Variants in C4orf51 observed in about 807,000 individuals in gnomAD.
The protein encoded by C4orf51 is uncharacterized protein C4orf51.
A neutral mutation model predicts 25.2 loss-of-function variants in C4orf51; 25 were observed. The observed-to-expected ratio is 0.99, with a 90% CI of 0.72 to 1.39. The LOEUF (loss-of-function observed/expected upper bound fraction) is 1.39. Ranked by LOEUF, C4orf51 falls within the 40% of genes most tolerant of loss-of-function variation. The probability of loss-of-function intolerance (pLI) is 0.00; values close to 1 mark genes in which losing one functional copy is unlikely to be tolerated. For missense variants in C4orf51, 252 were observed against 239.6 expected (o/e 1.05, Z -0.34); for synonymous variants, 100 against 84.5 (o/e 1.18, Z -1.01).
downstream of C4orf51, among the ~76,000 whole-genome samples, chr4:145,772,198 T>C (rs1210517297): frequency 1.3e-5 from 2 of 152,204 alleles, no homozygotes; most frequent in East Asian, 1.9e-4. Flanking sequence ...CACAAATATA[T>C]TCATTCACTG....
intron 2 of C4orf51, among the ~76,000 whole-genome samples, chr4:145,717,042 C>T (rs766697711): frequency 1.5e-4 from 23 of 152,178 alleles, no homozygotes; most frequent in Non-Finnish European, 2.9e-4. Context: ...GTTAAGGTGA[C>T]AGCACATCTG....
intron 1 of C4orf51, among the ~76,000 whole-genome samples, chr4:145,738,104 A>G (rs1284283534): frequency 6.6e-6 from 1 of 152,164 alleles, no homozygotes; most frequent in Non-Finnish European, 1.5e-5. Flanking sequence ...CACATCCTTG[A>G]TAGAGAAAAA....
At chr4:145,708,739 T>G (rs920887142) in intron 2 of C4orf51, among the ~76,000 whole-genome samples, 1 of 152,252 alleles carries the variant, frequency 6.6e-6, no homozygotes, top group Non-Finnish European at 1.5e-5. Context: ...GACCAAGCTT[T>G]GTCTCTGTGC....
In C4orf51 at chr4:145,743,521, C is replaced by T. The variant is rs552272510; in HGVS notation, n.168-10686C>T. On this transcript the variant is annotated intron_variant and non_coding_transcript_variant, in intron 1 of 1. Transcript: ENST00000508981. ...GGGCAAAGACCACATGAGCTAATCA[C>T]CTCTTCAAGGTACTGTCTCTCAACA... Among the ~76,000 whole-genome samples the T allele has an allele frequency of 6.6e-5, 10 of 152,304 alleles. No individual in the cohort carries two copies. The South Asian group carries it at 2.1e-3, about 32-fold the overall frequency.
chr4:145,692,832 C>G (rs970758345), intron 1 of C4orf51, among the ~76,000 whole-genome samples: 1 of 152,068 alleles, frequency 6.6e-6, no homozygotes, highest in African/African-American at 2.4e-5. Flanking sequence ...ACTTCCCACC[C>G]AGTCCCTGCT....
chr4:145,701,483 ACCTGGC>A lies in C4orf51; in HGVS notation c.307+4852_307+4857del, dbSNP rs376978356. ...CACTGGAAATTGGACTGTTCAACTC[ACCTGGC>A]AGCCACTCCCAGAGCCCCTGGAACT... On this transcript the variant is annotated intron_variant, in intron 2 of 5. Coordinates refer to ENST00000438731, the MANE Select transcript of C4orf51 (RefSeq NM_001080531.3). Among the ~76,000 whole-genome samples the A allele has an allele frequency of 8.4e-3, 1,280 of 151,604 alleles. 16 individuals carry two copies. Among genetic ancestry groups the A allele is most frequent in the African/African-American group, 0.028 (1,176 of 41,296 alleles).
At chr4:145,733,413 G>T (rs1732618563), downstream of C4orf51, among the ~76,000 whole-genome samples, 1 of 152,192 alleles carries the variant, frequency 6.6e-6, no homozygotes, top group Non-Finnish European at 1.5e-5. Context: ...CCTGGGGCGC[G>T]GGAAGGAGCC....
At chr4:145,732,959 G>A (rs1177678012), downstream of C4orf51, among the ~76,000 whole-genome samples, 1 of 152,192 alleles carries the variant, frequency 6.6e-6, no homozygotes, top group Non-Finnish European at 1.5e-5. Context: ...TCACCCAGCA[G>A]AGCCGGAGCC....
At chr4:145,749,589 T>G (rs1237842353) in intron 1 of C4orf51, among the ~76,000 whole-genome samples, 2 of 152,142 alleles carry the variant, frequency 1.3e-5, no homozygotes, top group Non-Finnish European at 2.9e-5. Context: ...TGTTTTTTGG[T>G]TTGAAGTTAC....
intron 1 of C4orf51, 52 bp from the exon 2 acceptor site, chr4:145,696,507 G>A (rs1730066842): frequency 6.4e-6 from 9 of 1,410,012 alleles, no homozygotes; most frequent in Non-Finnish European, 9.0e-6. Context: ...GGCTTCATGT[G>A]ATTTATAAAT....
At chr4:145,759,100 T>G (rs937508385), downstream of C4orf51, 10 of 152,190 alleles carry the variant, frequency 6.6e-5, no homozygotes, top group African/African-American at 2.4e-4. Flanking sequence ...AGCAACACAG[T>G]AAGAAAATGT....
At chr4:145,757,348 TG>T (rs1202439900), downstream of C4orf51, among the ~76,000 whole-genome samples, 1 of 152,192 alleles carries the variant, frequency 6.6e-6, no homozygotes, top group Non-Finnish European at 1.5e-5. Flanking sequence ...CACTTTTAAA[TG>T]TCACTAAGTA....
In C4orf51 at chr4:145,761,260, C is replaced by T. The variant is rs1282924396; in HGVS notation, n.167-9728C>T. The T allele has an allele frequency of 1.6e-6, 2 of 1,289,876 alleles. No homozygotes were observed. The highest frequency in any genetic ancestry group is 2.5e-5 in the South Asian group (2 of 81,026). The allele number at this position is 1,289,876 out of a possible 1,614,324, so 79.9% of individuals were successfully genotyped here. On this transcript the variant is annotated intron_variant and non_coding_transcript_variant, in intron 1 of 1. Coordinates refer to the C4orf51 transcript ENST00000510096. The surrounding 1 kb of genome is among the most constrained non-coding windows in gnomAD (Gnocchi z 6.8). ...TGTGGTCTTGAACAGGCACTCTTCG[C>T]AGCTGAAGGTCTGGCGTGGGGCGTG...
intron 1 of C4orf51, among the ~76,000 whole-genome samples, chr4:145,746,991 T>C (rs1263330640): frequency 6.6e-6 from 1 of 152,160 alleles, no homozygotes; most frequent in Non-Finnish European, 1.5e-5. Flanking sequence ...CCTTTTTAAA[T>C]TTCTTTTTCA....
chr4:145,694,478 C>T (rs1430694674), intron 1 of C4orf51, among the ~76,000 whole-genome samples: 4 of 90,414 alleles, frequency 4.4e-5, no homozygotes, highest in African/African-American at 1.3e-4. Context: ...CCCGGCCAGC[C>T]GCCCCGTCCG....
In C4orf51 at chr4:145,728,919, C is replaced by CT. The variant is rs1025148244; in HGVS notation, c.367-240dup. ...ATTACAGTGGTGGCTTTTTCTTTTTCTTTTTTTTTTGAGACAGGGTCTTGC... is the reference window on the plus strand; with the variant it reads ...ATTACAGTGGTGGCTTTTTCTTTTTCTTTTTTTTTTTGAGACAGGGTCTTGC... On this transcript the variant is annotated intron_variant, in intron 3 of 5. Transcript: ENST00000438731. Among the ~76,000 whole-genome samples the CT allele has an allele frequency of 1.2e-3, 178 of 146,258 alleles. 1 individual carries two copies. The highest frequency in any genetic ancestry group is 3.5e-3 in the African/African-American group (142 of 40,022).
intron 2 of C4orf51, among the ~76,000 whole-genome samples, chr4:145,697,558 T>A (rs1730152610): frequency 1.3e-5 from 2 of 152,228 alleles, no homozygotes; most frequent in Non-Finnish European, 2.9e-5. Flanking sequence ...TGTTCTACTA[T>A]GCTTCTATAA....
intron 3 of C4orf51, among the ~76,000 whole-genome samples, chr4:145,727,927 T>A (rs1169067437): frequency 2.3e-5 from 2 of 86,264 alleles, no homozygotes; most frequent in African/African-American, 7.0e-5. Flanking sequence ...ATATATAAAA[T>A]ATATTATATA....
chr4:145,709,566 C>T (rs1042328348), intron 2 of C4orf51, among the ~76,000 whole-genome samples: 1 of 152,198 alleles, frequency 6.6e-6, no homozygotes, highest in Non-Finnish European at 1.5e-5. Context: ...TAAGAAGTCA[C>T]GTGGCATGCA....
Sources: gnomAD v4.1 joint callset for allele counts (sites outside exome capture counted in the v4.1 genomes callset) on GRCh38, gnomAD v4.1.1 for gene constraint, Gnocchi (gnomAD v3.1) non-coding constraint, MANE v1.5 for transcripts, NCBI Gene and HGNC (gene_info 2026-07-23, HGNC 2026-07-21) for gene names.